The following DLC1 variants were observed in gnomAD, a reference collection of about 807,000 sequenced individuals.
DLC1 encodes the protein rho GTPase-activating protein 7.
Under a neutral mutation model 140.3 loss-of-function variants are expected in DLC1, and 54 were observed. The ratio of observed to expected loss-of-function variants is 0.38; its 90% confidence interval spans 0.31 to 0.48. DLC1 has a LOEUF of 0.48. Among genes scored for constraint, DLC1 ranks in the 20% least tolerant of loss-of-function variants. DLC1 has a pLI of 0.96. For synonymous variants in DLC1, 986 were observed against 728.1 expected, an observed-to-expected ratio of 1.35 and a Z score of -5.70; for missense variants, 2,536 against 1,907.0, an observed-to-expected ratio of 1.33 and a Z score of -6.14.
intron 5 of DLC1, among the ~76,000 whole-genome samples, chr8:13,263,346 A>C (rs1315335268): frequency 6.6e-6 from 1 of 151,882 alleles, no homozygotes; most frequent in Admixed American, 6.6e-5. Context: ...TATCCTCAGC[A>C]CCTACCTCAG....
At chr8:13,235,004 G>C (rs1159707567) in intron 5 of DLC1, among the ~76,000 whole-genome samples, 1 of 152,046 alleles carries the variant, frequency 6.6e-6, no homozygotes, top group Non-Finnish European at 1.5e-5. Flanking sequence ...AGCTCTGTCT[G>C]TTAAATTTGT....
At chr8:13,495,426 CCAGG>C (rs779945556) in intron 2 of DLC1, among the ~76,000 whole-genome samples, 55 of 152,318 alleles carry the variant, frequency 3.6e-4, no homozygotes, top group Middle Eastern at 3.4e-3. Context: ...CAGAGACCAG[CCAGG>C]CCCTGAGTGC....
intron 4 of DLC1, among the ~76,000 whole-genome samples, chr8:13,333,523 A>C (rs188524553): frequency 7.9e-4 from 121 of 152,330 alleles, no homozygotes; most frequent in African/African-American, 2.9e-3. Flanking sequence ...TGTGGGGATC[A>C]ACAGGTGTAA....
intron 2 of DLC1, among the ~76,000 whole-genome samples, chr8:13,487,470 C>A (rs1801022263): frequency 6.6e-6 from 1 of 152,116 alleles, no homozygotes; most frequent in Non-Finnish European, 1.5e-5. Flanking sequence ...ACTAATCTTT[C>A]CCACTCCAAG....
chr8:13,423,535 C>G lies in DLC1; in HGVS notation c.1024-21916G>C, dbSNP rs145428593. 9.4e-3 allele frequency among the ~76,000 whole-genome samples: 1,423 copies of G among 152,068 alleles called. 13 individuals carry two copies. The highest frequency in any genetic ancestry group is 0.012 in the Non-Finnish European group (807 of 67,990). On this transcript the variant is annotated intron_variant, in intron 2 of 17. Transcript: ENST00000276297. Reference sequence around the variant, plus strand: ...ATTGAAGAAAGAATGAATTATAATACTAATTATAATTATAAGAAGTATTAG... The same window carrying G: ...ATTGAAGAAAGAATGAATTATAATAGTAATTATAATTATAAGAAGTATTAG...
chr8:13,236,410 C>T (rs1057201789), intron 5 of DLC1, among the ~76,000 whole-genome samples: 6 of 152,186 alleles, frequency 3.9e-5, no homozygotes, highest in Non-Finnish European at 5.9e-5. Context: ...ATCTGTTCCT[C>T]TTTGTAAATT....
At chr8:13,488,676 G>T (rs768166291) in intron 2 of DLC1, among the ~76,000 whole-genome samples, 1 of 152,124 alleles carries the variant, frequency 6.6e-6, no homozygotes. Context: ...AAATTCTGGC[G>T]ATCTGAATAC....
chr8:13,538,016 A>G (rs1803351633), intron 1 of DLC1, among the ~76,000 whole-genome samples: 1 of 152,154 alleles, frequency 6.6e-6, no homozygotes, highest in Non-Finnish European at 1.5e-5. Context: ...AATTACATCC[A>G]TTACTTTATG....
chr8:13,395,054 A>ATCTATCTATCT (rs879525553), intron 3 of DLC1, among the ~76,000 whole-genome samples: 1 of 141,064 alleles, frequency 7.1e-6, no homozygotes, highest in Non-Finnish European at 1.6e-5. Flanking sequence ...TCTATCTATT[A>ATCTATCTATCT]GGTACCTATC....
intron 5 of DLC1, among the ~76,000 whole-genome samples, chr8:13,196,756 G>A (rs1827083801): frequency 1.3e-5 from 2 of 152,176 alleles, no homozygotes; most frequent in South Asian, 4.1e-4. Flanking sequence ...TACAAATGTT[G>A]CACACCTCAT....
intron 4 of DLC1, among the ~76,000 whole-genome samples, chr8:13,393,258 T>A (rs1438049533): frequency 6.8e-6 from 1 of 146,804 alleles, no homozygotes; most frequent in Non-Finnish European, 1.5e-5. Flanking sequence ...GAAAGGCATC[T>A]CCAGATTTTG....
intron 4 of DLC1, among the ~76,000 whole-genome samples, chr8:13,319,939 C>T (rs1464629805): frequency 1.3e-5 from 2 of 149,118 alleles, no homozygotes; most frequent in Non-Finnish European, 3.0e-5. Flanking sequence ...TGTCCTGTCT[C>T]AGCCTCCCAA....
intron 2 of DLC1, among the ~76,000 whole-genome samples, chr8:13,491,478 C>A (rs531618544): frequency 1.1e-4 from 17 of 152,118 alleles, no homozygotes; most frequent in African/African-American, 4.1e-4. Flanking sequence ...TGTTATAGAA[C>A]ATACATAAAA....
In DLC1 at chr8:13,100,237, T is replaced by C. The variant is rs767984120; in HGVS notation, c.2100A>G (p.Gln700=). The part of the protein sequence containing the change: ...LGLIISGPIL[Q]EGMDEEKLKQ... Reference sequence around the variant, plus strand: ...TCAGCTTCTCCTCATCCATCCCCTCTTGCAAGATGGGCCCGCTGATGATCA... The same window carrying C: ...TCAGCTTCTCCTCATCCATCCCCTCCTGCAAGATGGGCCCGCTGATGATCA... The change falls in exon 9 of 18, where the codon CAA becomes CAG. Residue 700 remains glutamine (Q), a synonymous_variant. Transcript: ENST00000276297. 1.2e-6 allele frequency: 2 copies of C among 1,614,166 alleles called. No homozygotes were observed. Among genetic ancestry groups the C allele is most frequent in the Non-Finnish European group, 1.7e-6 (2 of 1,180,038 alleles).
intron 4 of DLC1, among the ~76,000 whole-genome samples, chr8:13,332,513 C>T (rs751003953): frequency 3.3e-5 from 5 of 151,532 alleles, no homozygotes; most frequent in Non-Finnish European, 7.4e-5. Flanking sequence ...TCATTGCAAC[C>T]TCCACCTCTG....
At chr8:13,262,387 C>G (rs935224980) in intron 5 of DLC1, among the ~76,000 whole-genome samples, 3 of 151,640 alleles carry the variant, frequency 2.0e-5, no homozygotes, top group Non-Finnish European at 2.9e-5. Context: ...GGAAAACTCT[C>G]AATTTTTTTT....
At chr8:13,086,495 G>C (rs767408825) in intron 16 of DLC1, 32 bp from the exon 17 acceptor site, 4 of 1,601,286 alleles carry the variant, frequency 2.5e-6, no homozygotes, top group Non-Finnish European at 3.4e-6. Flanking sequence ...CAGAAATGAT[G>C]GAATTTCATA....
intron 5 of DLC1, among the ~76,000 whole-genome samples, chr8:13,140,219 T>C (rs1822876513): frequency 6.6e-6 from 1 of 152,202 alleles, no homozygotes. Context: ...AACAAGTTTA[T>C]ATCTATATCT....
intron 4 of DLC1, among the ~76,000 whole-genome samples, chr8:13,322,412 A>C (rs1458078287): frequency 6.6e-6 from 1 of 152,080 alleles, no homozygotes; most frequent in East Asian, 1.9e-4. Flanking sequence ...ACCCCCATAA[A>C]CCCTTTTTTA....
Sources: gnomAD v4.1 joint callset for allele counts (sites outside exome capture counted in the v4.1 genomes callset) on GRCh38, gnomAD v4.1.1 for gene constraint, MANE v1.5 for transcripts, NCBI Gene and HGNC (gene_info 2026-07-23, HGNC 2026-07-21) for gene names.